Variants in TRHDE observed in about 807,000 individuals in gnomAD.
TRHDE encodes thyrotropin-releasing hormone-degrading ectoenzyme.
A neutral mutation model predicts 125.7 loss-of-function variants in TRHDE; 72 were observed. The ratio of observed to expected loss-of-function variants is 0.57; its 90% CI spans 0.47 to 0.70. The LOEUF is 0.70. TRHDE is among the 30% of genes least tolerant of loss of function. The pLI, the probability that TRHDE is intolerant of heterozygous loss-of-function variation, is 0.00. For missense variants in TRHDE, 1,110 were observed against 1,327.1 expected (o/e 0.84, Z 2.54); for synonymous variants, 509 against 509.1 (o/e 1.00, Z 0.00).
At chr12:72,196,396 T>C (rs1398990488) in intron 2 of TRHDE, among the ~76,000 whole-genome samples, 1 of 152,150 alleles carries the variant, frequency 6.6e-6, no homozygotes, top group Non-Finnish European at 1.5e-5. Context: ...CTATGGTTTC[T>C]TTCAGCAGTG....
rs557852652 is a variant in TRHDE, at chr12:72,197,102, C to G, written n.279+91350C>G. Among the ~76,000 whole-genome samples the G allele has an allele frequency of 3.9e-5, 6 of 152,192 alleles. No individual in the cohort carries two copies. The South Asian group carries it at 1.2e-3, about 32-fold the overall frequency. The stretch of plus-strand genomic sequence containing the variant: ...TGTAGCCCCATTTGGCACAAATGAT[C>G]ATTCTTTACTCCTTGAAACACTATC... On this transcript the variant is annotated intron_variant and non_coding_transcript_variant, in intron 2 of 4. Transcript: ENST00000548156.
intron 3 of TRHDE, among the ~76,000 whole-genome samples, chr12:72,426,892 C>CT (rs1292378134): frequency 6.6e-6 from 1 of 151,958 alleles, no homozygotes; most frequent in Non-Finnish European, 1.5e-5. Flanking sequence ...CATTGCCAAA[C>CT]TTTTTTCTCC....
intron 6 of TRHDE, among the ~76,000 whole-genome samples, chr12:72,519,990 C>T (rs1879099937): frequency 6.6e-6 from 1 of 152,226 alleles, no homozygotes. Context: ...AGGAGGCAGT[C>T]TGCCCGTTCT....
chr12:72,472,182 C>T (rs967829825), intron 4 of TRHDE, among the ~76,000 whole-genome samples: 3 of 152,010 alleles, frequency 2.0e-5, no homozygotes, highest in Non-Finnish European at 4.4e-5. Flanking sequence ...ATTTTTTTAT[C>T]GTCTACCTCC....
chr12:72,208,115 C>A (rs1425698796), intron 2 of TRHDE, among the ~76,000 whole-genome samples: 1 of 152,122 alleles, frequency 6.6e-6, no homozygotes, highest in African/African-American at 2.4e-5. Flanking sequence ...TTAAACATAG[C>A]CTTTCTAGCT....
Position 72,348,262 on chromosome 12 carries a change from T to A in TRHDE, c.1189-29733T>A, listed in dbSNP as rs531510206. Among the ~76,000 whole-genome samples, 4 of 152,088 alleles carry A rather than the reference T, an allele frequency of 2.6e-5. No homozygotes were observed. In the South Asian group the frequency reaches 8.3e-4, roughly 32 times the overall value. On this transcript the variant is annotated intron_variant, in intron 2 of 18. Transcript: ENST00000261180. Reference sequence around the variant, plus strand: ...CAATTTTTAAATATGTTTCTGTCAGTCATCTTGGATGTTATTTCTTTAATC... The same window carrying A: ...CAATTTTTAAATATGTTTCTGTCAGACATCTTGGATGTTATTTCTTTAATC...
chr12:72,372,084 C>G (rs991010933), intron 2 of TRHDE, among the ~76,000 whole-genome samples: 2 of 152,162 alleles, frequency 1.3e-5, no homozygotes, highest in Non-Finnish European at 2.9e-5. Flanking sequence ...GATTGCCATT[C>G]TAACTGGTGT....
At chr12:72,341,587 G>A (rs1366062206) in intron 2 of TRHDE, among the ~76,000 whole-genome samples, 1 of 152,072 alleles carries the variant, frequency 6.6e-6, no homozygotes, top group Non-Finnish European at 1.5e-5. Flanking sequence ...GTTATCAGAT[G>A]TTTGCTTTGG....
At chr12:72,271,946 G>C (rs561255377), upstream of TRHDE, 269 of 456,696 alleles carry the variant, frequency 5.9e-4, no homozygotes, top group African/African-American at 5.1e-3. Context: ...CGCCACCGCC[G>C]CTTAAAGTGC....
chr12:72,650,092 A>C (rs1874444935), intron 15 of TRHDE, among the ~76,000 whole-genome samples: 1 of 152,144 alleles, frequency 6.6e-6, no homozygotes, highest in East Asian at 1.9e-4. Context: ...AGTTTATTGC[A>C]GCACTAGTCA....
intron 6 of TRHDE, among the ~76,000 whole-genome samples, chr12:72,525,596 G>T (rs559362409): frequency 7.7e-6 from 1 of 129,556 alleles, no homozygotes; most frequent in African/African-American, 3.1e-5. Flanking sequence ...TGTTTTGTGT[G>T]TGGTTTGTGT....
chr12:72,649,049 A>C (rs1874397500), intron 15 of TRHDE, among the ~76,000 whole-genome samples: 1 of 152,056 alleles, frequency 6.6e-6, no homozygotes, highest in Admixed American at 6.6e-5. Context: ...TCTACAATTC[A>C]TATGGAACCA....
chr12:72,290,903 G>T (rs571468047), intron 2 of TRHDE, among the ~76,000 whole-genome samples: 1 of 152,180 alleles, frequency 6.6e-6, no homozygotes, highest in Admixed American at 6.5e-5. Context: ...ACATTCTATT[G>T]GTTATAAGTG....
chr12:72,185,130 G>A (rs912125738), intron 2 of TRHDE, among the ~76,000 whole-genome samples: 2 of 152,178 alleles, frequency 1.3e-5, no homozygotes, highest in Admixed American at 6.5e-5. Flanking sequence ...GCCCGCACTC[G>A]CACTCGGAGC....
intron 2 of TRHDE, among the ~76,000 whole-genome samples, chr12:72,320,295 A>G (rs1869020517): frequency 6.6e-6 from 1 of 152,052 alleles, no homozygotes; most frequent in South Asian, 2.1e-4. Flanking sequence ...TATAAAATGG[A>G]ACAGTATTTG....
chr12:72,654,328 A>G (rs1345778101), intron 17 of TRHDE, among the ~76,000 whole-genome samples: 1 of 152,110 alleles, frequency 6.6e-6, no homozygotes, highest in Non-Finnish European at 1.5e-5. Context: ...CATCCTATCT[A>G]AAAATACGAT....
intron 12 of TRHDE, among the ~76,000 whole-genome samples, chr12:72,587,904 A>G (rs1871509700): frequency 6.6e-6 from 1 of 152,178 alleles, no homozygotes; most frequent in Admixed American, 6.5e-5. Context: ...ATAAAAGCTT[A>G]TAGGAAAATC....
intron 6 of TRHDE, among the ~76,000 whole-genome samples, chr12:72,511,791 A>G (rs1419481615): frequency 6.6e-6 from 1 of 152,140 alleles, no homozygotes; most frequent in Non-Finnish European, 1.5e-5. Flanking sequence ...TAGTTTTCAT[A>G]CTAGAAACTT....
chr12:72,297,698 C>A (rs927642939), intron 2 of TRHDE, among the ~76,000 whole-genome samples: 3 of 152,118 alleles, frequency 2.0e-5, no homozygotes, highest in Admixed American at 1.3e-4. Flanking sequence ...GTAAAAGCAG[C>A]AATGGCAGAA....
Sources: gnomAD v4.1 joint callset for allele counts (sites outside exome capture counted in the v4.1 genomes callset) on GRCh38, gnomAD v4.1.1 for gene constraint, MANE v1.5 for transcripts, NCBI Gene and HGNC (gene_info 2026-07-23, HGNC 2026-07-21) for gene names.